The following LARP1B variants were observed in gnomAD, a reference collection of about 807,000 sequenced individuals.
LARP1B encodes La ribonucleoprotein 1B.
Under a neutral mutation model 114.2 loss-of-function variants are expected in LARP1B, and 76 were observed. That is an observed-to-expected ratio of 0.67 (90% CI 0.55 to 0.81). The LOEUF is 0.81. Among genes scored for constraint, LARP1B ranks in the 30% least tolerant of loss-of-function variants. The pLI, the probability that LARP1B is intolerant of heterozygous loss-of-function variation, is 0.00. For synonymous variants in LARP1B, 345 were observed against 348.0 expected (o/e 0.99, Z 0.10); for missense variants, 1,014 against 1,075.8 (o/e 0.94, Z 0.80).
intron 3 of LARP1B, among the ~76,000 whole-genome samples, chr4:128,077,586 T>C (rs1768505848): frequency 1.3e-5 from 2 of 150,442 alleles, no homozygotes; most frequent in Non-Finnish European, 2.9e-5. Context: ...GAGGTAAAAG[T>C]TCTTTATCAA....
downstream of LARP1B, among the ~76,000 whole-genome samples, chr4:128,212,246 C>T (rs1040209875): frequency 6.6e-6 from 1 of 152,062 alleles, no homozygotes; most frequent in Non-Finnish European, 1.5e-5. Context: ...TATTTCATGG[C>T]TTTTACTAGT....
At chr4:128,110,107 T>C (rs1275116545) in intron 9 of LARP1B, among the ~76,000 whole-genome samples, 1 of 152,128 alleles carries the variant, frequency 6.6e-6, no homozygotes, top group African/African-American at 2.4e-5. Flanking sequence ...TTTCACCATG[T>C]TGGTCAGGCT....
intron 16 of LARP1B, 102 bp from the exon 17 acceptor site, chr4:128,200,419 G>A (rs1168429716): frequency 2.6e-6 from 2 of 762,576 alleles, no homozygotes; most frequent in Non-Finnish European, 3.9e-6. Context: ...TACACTTTGA[G>A]GATTAATATG....
chr4:128,128,327 A>C (rs1264714454), intron 11 of LARP1B, among the ~76,000 whole-genome samples: 2 of 152,222 alleles, frequency 1.3e-5, no homozygotes, highest in Non-Finnish European at 2.9e-5. Context: ...ACAGAAAGTG[A>C]AAAGCCAGTA....
intron 15 of LARP1B, among the ~76,000 whole-genome samples, chr4:128,181,195 T>TC (rs1748240887): frequency 6.6e-6 from 1 of 151,298 alleles, no homozygotes. Context: ...TTTTTTTTTT[T>TC]TCTTTTGAGA....
chr4:128,134,634 GAC>G (rs1296647489), intron 11 of LARP1B, among the ~76,000 whole-genome samples: 6 of 152,116 alleles, frequency 3.9e-5, no homozygotes, highest in Admixed American at 3.3e-4. Context: ...TGTATGAAAG[GAC>G]ACAGTTAACA....
At position 128,217,764 on chromosome 4, in the gene LARP1B, A is replaced by G. The variant is rs1168594962; in HGVS notation, n.849-2591A>G. 5.8e-5 allele frequency among the ~76,000 whole-genome samples: 7 copies of G among 120,992 alleles called. No homozygotes were observed. The South Asian group carries it at 2.2e-3, about 39-fold the overall frequency. 79.4% of individuals were successfully genotyped at this position (120,992 alleles called of 152,430 possible). Reference sequence around the variant, plus strand: ...AGGGATGCCCTCTCTCACCGCTCCTATTCAACATAGTGTTGGAAGTTCTGG... The same window carrying G: ...AGGGATGCCCTCTCTCACCGCTCCTGTTCAACATAGTGTTGGAAGTTCTGG... On this transcript the variant is annotated intron_variant and non_coding_transcript_variant, in intron 6 of 7. Transcript: ENST00000503725.
At chr4:128,123,372 T>G in intron 11 of LARP1B, 1 of 982,456 alleles carries the variant, frequency 1.0e-6, no homozygotes, top group Non-Finnish European at 1.2e-6. Context: ...TTGTAATACT[T>G]AGGTTCGGTA....
At chr4:128,156,216 CT>C in intron 11 of LARP1B, 1 of 1,579,074 alleles carries the variant, frequency 6.3e-7, no homozygotes, top group Non-Finnish European at 8.7e-7. Context: ...GCACCCGAGC[CT>C]TACTCCCTGC....
At chr4:128,182,389 C>T (rs1025024873) in intron 15 of LARP1B, among the ~76,000 whole-genome samples, 19 of 152,130 alleles carry the variant, frequency 1.2e-4, no homozygotes, top group African/African-American at 4.6e-4. Flanking sequence ...TGATTACAGA[C>T]ATGAACCACC....
intron 9 of LARP1B, among the ~76,000 whole-genome samples, chr4:128,109,528 C>T (rs1362357152): frequency 3.3e-5 from 5 of 152,048 alleles, no homozygotes; most frequent in Non-Finnish European, 7.4e-5. Flanking sequence ...GGTAAGATTA[C>T]TTCTGAAACA....
Position 128,155,892 on chromosome 4 carries a change from C to T in LARP1B, c.1525-6302C>T, listed in dbSNP as rs111814220. The T allele has an allele frequency of 1.1e-4, 176 of 1,547,918 alleles. 1 individual carries two copies. The African/African-American group carries it at 2.0e-3, about 17-fold the overall frequency. On this transcript the variant is annotated intron_variant, in intron 11 of 19. Coordinates refer to ENST00000326639, the MANE Select transcript of LARP1B (RefSeq NM_018078.4). ...GCCTGGAGCTGGTGCTGGAAGCCCA[C>T]TGACCCATCTGCAAAATCCCCGAAG...
chr4:128,197,373 A>C (rs1754523459), intron 15 of LARP1B, among the ~76,000 whole-genome samples: 1 of 152,188 alleles, frequency 6.6e-6, no homozygotes, highest in Non-Finnish European at 1.5e-5. Context: ...CATTGGAAAA[A>C]ACAGTTGTTT....
chr4:128,141,066 G>T (rs372899042), intron 11 of LARP1B, among the ~76,000 whole-genome samples: 1 of 151,820 alleles, frequency 6.6e-6, no homozygotes, highest in Non-Finnish European at 1.5e-5. Context: ...CACCTGCCTC[G>T]GCCTCCCAAA....
intron 12 of LARP1B, among the ~76,000 whole-genome samples, chr4:128,167,217 T>C (rs1305621340): frequency 6.6e-6 from 1 of 151,914 alleles, no homozygotes; most frequent in Non-Finnish European, 1.5e-5. Context: ...TTCATTTCCT[T>C]TGGGTATATA....
intron 11 of LARP1B, among the ~76,000 whole-genome samples, chr4:128,144,991 A>G (rs1037644755): frequency 2.0e-5 from 3 of 151,950 alleles, no homozygotes; most frequent in Admixed American, 2.0e-4. Flanking sequence ...TTTCCTATTT[A>G]TTTTCACTGC....
At chr4:128,206,996 T>C (rs570555749) in intron 18 of LARP1B, among the ~76,000 whole-genome samples, 1 of 152,332 alleles carries the variant, frequency 6.6e-6, no homozygotes, top group Non-Finnish European at 1.5e-5. Flanking sequence ...CTGTAACATA[T>C]ATGAGAACAC....
chr4:128,204,755 G>C (rs1209086355), intron 17 of LARP1B, among the ~76,000 whole-genome samples: 1 of 151,940 alleles, frequency 6.6e-6, no homozygotes, highest in African/African-American at 2.4e-5. Context: ...TGAGGGGATG[G>C]ATACTCCATT....
chr4:128,068,399 C>A (rs942682892), intron 1 of LARP1B, among the ~76,000 whole-genome samples: 1 of 151,810 alleles, frequency 6.6e-6, no homozygotes, highest in Non-Finnish European at 1.5e-5. Context: ...TAGCTCACTG[C>A]AGCCTAGAAC....
Sources: gnomAD v4.1 joint callset for allele counts (sites outside exome capture counted in the v4.1 genomes callset) on GRCh38, gnomAD v4.1.1 for gene constraint, MANE v1.5 for transcripts, NCBI Gene and HGNC (gene_info 2026-07-23, HGNC 2026-07-21) for gene names.